The following SPG11 variants were observed in gnomAD, a reference collection of about 807,000 sequenced individuals.
The protein encoded by SPG11 is SPG11 vesicle trafficking associated, spatacsin.
SPG11 carries 222 observed loss-of-function variants against 274.0 expected under a neutral mutation model. The ratio of observed to expected loss-of-function variants is 0.81; its 90% CI spans 0.73 to 0.91. The LOEUF (loss-of-function observed/expected upper bound fraction) is 0.91. SPG11 is among the 40% of genes least tolerant of loss of function. SPG11 has a pLI of 0.00. For synonymous variants in SPG11, 1,144 were observed against 1,039.7 expected, an observed-to-expected ratio of 1.10 and a Z score of -1.93; for missense variants, 3,114 against 2,872.7, an observed-to-expected ratio of 1.08 and a Z score of -1.92.
chr15:44,649,881 T>A (rs2084714700), intron 6 of SPG11, among the ~76,000 whole-genome samples: 1 of 148,618 alleles, frequency 6.7e-6, no homozygotes, highest in Non-Finnish European at 1.5e-5. Context: ...GAGACAAGAG[T>A]GAGACTCCAT....
chr15:44,611,407 T>C (rs1036818765), intron 17 of SPG11, among the ~76,000 whole-genome samples: 2 of 152,142 alleles, frequency 1.3e-5, no homozygotes, highest in Admixed American at 6.6e-5. Context: ...TATAATTCAC[T>C]AGCAACAAAG....
Position 44,565,772 on chromosome 15 carries a change from G to A in SPG11, c.6999+82C>T, listed in dbSNP as rs1292622423. ...GTCCTGGTTCTGTCACTAGCCCTGAGACCTTACCTCTGGGTTCCATGAGTG... is the reference window on the plus strand; with the variant it reads ...GTCCTGGTTCTGTCACTAGCCCTGAAACCTTACCTCTGGGTTCCATGAGTG... On this transcript the variant is annotated intron_variant, in intron 38 of 39. Transcript: ENST00000261866. The A allele has an allele frequency of 9.6e-6, 15 of 1,563,362 alleles. No individual in the cohort carries two copies. In the East Asian group the frequency reaches 2.9e-4, roughly 31 times the overall value.
chr15:44,584,652 A>G (rs1356871732), intron 29 of SPG11, 94 bp from the exon 30 acceptor site: 1 of 1,458,520 alleles, frequency 6.9e-7, no homozygotes, highest in Non-Finnish European at 9.4e-7. Flanking sequence ...TTGTTTGGAC[A>G]GGGTCTCAGT....
chr15:44,639,124 AAGG>A (rs1278384223), intron 7 of SPG11, among the ~76,000 whole-genome samples: 2 of 152,198 alleles, frequency 1.3e-5, no homozygotes, highest in Non-Finnish European at 2.9e-5. Context: ...TAACAAATTA[AAGG>A]AGATTATTCA....
intron 17 of SPG11, among the ~76,000 whole-genome samples, chr15:44,612,760 A>C (rs1027834976): frequency 8.6e-5 from 13 of 151,854 alleles, no homozygotes; most frequent in African/African-American, 3.1e-4. Context: ...AACATATATT[A>C]CTTCATAATC....
chr15:44,654,768 G>A (rs1270568632), intron 4 of SPG11, among the ~76,000 whole-genome samples: 1 of 151,978 alleles, frequency 6.6e-6, no homozygotes, highest in Non-Finnish European at 1.5e-5. Context: ...CCCAGGAGGC[G>A]GAGGGTGCAG....
rs1567151196 is a variant in SPG11, at chr15:44,598,686, C to G, written c.3837G>C (p.Leu1279Phe). Residue 1279 changes from leucine to phenylalanine, a missense_variant, in exon 22 of 40, where the codon TTG becomes TTC. By Grantham distance (22) the Leu-to-Phe change is conservative (BLOSUM62 0). Coordinates refer to ENST00000261866, the MANE Select transcript of SPG11 (RefSeq NM_025137.4). ...CATCTTCATTTCTGCACTTGTAGCT[C>G]AAAATTATATTGGCCACTTTCATAT... Reference protein sequence around the residue: ...RVDMKVANIILSYKCRNEDAQ... With the variant: ...RVDMKVANIIFSYKCRNEDAQ... 2 of 1,614,206 alleles carry G rather than the reference C, an allele frequency of 1.2e-6. No individual in the cohort carries two copies. Among genetic ancestry groups the G allele is most frequent in the South Asian group, 1.1e-5 (1 of 91,074 alleles).
chr15:44,567,319 C>G, intron 36 of SPG11, 105 bp downstream of exon 36: 2 of 1,323,224 alleles, frequency 1.5e-6, no homozygotes, highest in Non-Finnish European at 2.1e-6. Context: ...CCACTGCACT[C>G]CAGCCTGGGG....
chr15:44,595,096 C>T (rs1595858837), intron 26 of SPG11, among the ~76,000 whole-genome samples, 163 bp downstream of exon 26: 2 of 152,146 alleles, frequency 1.3e-5, no homozygotes, highest in Admixed American at 6.5e-5. Context: ...GGATTACAGG[C>T]GTGAGCCACT....
In SPG11 at chr15:44,572,678, C is replaced by A. The variant is rs756302161; in HGVS notation, c.6343+5G>T. On this transcript the variant is annotated splice_donor_5th_base_variant and intron_variant, in intron 33 of 39. Transcript: ENST00000261866. ...AAATATGTAAGAAAAAGGTCAATAACTTACTGCAAGACAGTTCCCCATGGG... is the reference window on the plus strand; with the variant it reads ...AAATATGTAAGAAAAAGGTCAATAAATTACTGCAAGACAGTTCCCCATGGG... The A allele has an allele frequency of 6.2e-7, 1 of 1,614,138 alleles. No homozygotes were observed. The highest frequency in any genetic ancestry group is 1.1e-5 in the South Asian group (1 of 91,076).
At chr15:44,662,065 C>T (rs1566836779) in intron 1 of SPG11, among the ~76,000 whole-genome samples, 2 of 152,118 alleles carry the variant, frequency 1.3e-5, no homozygotes, top group Non-Finnish European at 2.9e-5. Flanking sequence ...TTCTTTGCCC[C>T]ATTCCTCTCT....
intron 18 of SPG11, among the ~76,000 whole-genome samples, chr15:44,609,298 ATT>A (rs913011657): frequency 1.4e-5 from 2 of 144,438 alleles, no homozygotes; most frequent in African/African-American, 2.5e-5. Flanking sequence ...CCCCCGGCTA[ATT>A]TTTTTTTTTT....
intron 19 of SPG11, among the ~76,000 whole-genome samples, chr15:44,607,783 T>C (rs2140997954): frequency 6.6e-6 from 1 of 152,350 alleles, no homozygotes; most frequent in Admixed American, 6.5e-5. Flanking sequence ...AGAAGGTTTA[T>C]AGCTTTCTCA....
intron 7 of SPG11, among the ~76,000 whole-genome samples, chr15:44,645,239 CA>C (rs145213627): frequency 0.015 from 2,217 of 152,224 alleles, 58 homozygotes; most frequent in East Asian, 0.097. Flanking sequence ...CTACAATAAC[CA>C]AAACAGCATA....
chr15:44,572,980 C>CTTTTTT (rs974510197), intron 32 of SPG11, among the ~76,000 whole-genome samples, 160 bp from the exon 33 acceptor site: 54 of 83,288 alleles, frequency 6.5e-4, no homozygotes, highest in African/African-American at 9.1e-4. Flanking sequence ...GACAGGAGTT[C>CTTTTTT]TTTTTTTTTT....
intron 7 of SPG11, among the ~76,000 whole-genome samples, chr15:44,637,482 T>G (rs142655711): frequency 0.013 from 1,937 of 152,154 alleles, 52 homozygotes; most frequent in African/African-American, 0.045. Context: ...CCGGCTAATT[T>G]TTTTGTATTT....
At chr15:44,644,883 T>C (rs1177292534) in intron 7 of SPG11, among the ~76,000 whole-genome samples, 2 of 152,198 alleles carry the variant, frequency 1.3e-5, no homozygotes, top group South Asian at 2.1e-4. Context: ...GAAAGATCTC[T>C]GCAATGAGAA....
chr15:44,575,113 T>G, intron 30 of SPG11, 72 bp from the exon 31 acceptor site: 1 of 1,586,650 alleles, frequency 6.3e-7, no homozygotes, highest in Non-Finnish European at 8.6e-7. Context: ...TCTATGGCTC[T>G]ACCTCTCTGC....
intron 1 of SPG11, among the ~76,000 whole-genome samples, chr15:44,660,878 A>C (rs2085085513): frequency 6.6e-6 from 1 of 152,210 alleles, no homozygotes; most frequent in Non-Finnish European, 1.5e-5. Flanking sequence ...GGCTCCATTT[A>C]TTCTTTCATC....
Sources: gnomAD v4.1 joint callset for allele counts (sites outside exome capture counted in the v4.1 genomes callset) on GRCh38, gnomAD v4.1.1 for gene constraint, MANE v1.5 for transcripts, NCBI Gene and HGNC (gene_info 2026-07-23, HGNC 2026-07-21) for gene names.